Variants in ASB3 observed in about 807,000 individuals in gnomAD.
ASB3 encodes ankyrin repeat and SOCS box containing 3.
In ASB3, 41 loss-of-function variants were observed where a neutral mutation model predicts 54.5. That is an observed-to-expected ratio of 0.75 (90% CI 0.59 to 0.98). ASB3 has a LOEUF of 0.98. ASB3 is among the 50% of genes least tolerant of loss of function. The pLI, the probability that ASB3 is intolerant of heterozygous loss-of-function variation, is 0.00. For synonymous variants in ASB3, 266 were observed against 221.2 expected, an observed-to-expected ratio of 1.20 and a Z score of -1.80; for missense variants, 733 against 620.0, an observed-to-expected ratio of 1.18 and a Z score of -1.94.
chr2:53,674,792 T>C (rs1414295765), intron 9 of ASB3, among the ~76,000 whole-genome samples: 1 of 152,232 alleles, frequency 6.6e-6, no homozygotes, highest in Non-Finnish European at 1.5e-5. Context: ...TTTCTTAATT[T>C]ACTTGTGTTG....
At chr2:53,780,940 T>C (rs1405136690) in intron 1 of ASB3, among the ~76,000 whole-genome samples, 3 of 152,346 alleles carry the variant, frequency 2.0e-5, no homozygotes, top group African/African-American at 7.2e-5. Context: ...TATGCTAGAT[T>C]CTATTCCAAG....
At chr2:53,733,123 G>A (rs996320322) in intron 3 of ASB3, among the ~76,000 whole-genome samples, 3 of 152,182 alleles carry the variant, frequency 2.0e-5, no homozygotes, top group Non-Finnish European at 2.9e-5. Flanking sequence ...TTGAGTACCT[G>A]TGAATTCCAT....
At chr2:53,710,820 A>G (rs1670052502) in intron 7 of ASB3, among the ~76,000 whole-genome samples, 1 of 152,154 alleles carries the variant, frequency 6.6e-6, no homozygotes, top group Non-Finnish European at 1.5e-5. Flanking sequence ...TGATAGTTCA[A>G]ATCTTACTTT....
At chr2:53,773,042 C>G (rs948094401) in intron 1 of ASB3, among the ~76,000 whole-genome samples, 1 of 152,014 alleles carries the variant, frequency 6.6e-6, no homozygotes, top group African/African-American at 2.4e-5. Context: ...TTGGAAAGGA[C>G]TTTAATAAAC....
intron 7 of ASB3, among the ~76,000 whole-genome samples, chr2:53,710,261 G>C (rs1670020800): frequency 6.6e-6 from 1 of 152,212 alleles, no homozygotes; most frequent in South Asian, 2.1e-4. Context: ...TTACTTTCAA[G>C]TTAATTTACT....
intron 2 of ASB3, among the ~76,000 whole-genome samples, chr2:53,761,180 T>C (rs1003946177): frequency 2.6e-5 from 4 of 152,072 alleles, no homozygotes; most frequent in African/African-American, 9.7e-5. Flanking sequence ...GCACCTACCT[T>C]TAAACACCGG....
chr2:53,718,424 AC>A (rs1324816980), intron 5 of ASB3, among the ~76,000 whole-genome samples: 2 of 152,210 alleles, frequency 1.3e-5, no homozygotes, highest in Non-Finnish European at 2.9e-5. Flanking sequence ...ACTAAGCTTC[AC>A]AAACGAAGGA....
At chr2:53,684,044 G>A (rs1318391836) in intron 9 of ASB3, among the ~76,000 whole-genome samples, 1 of 152,070 alleles carries the variant, frequency 6.6e-6, no homozygotes, top group Non-Finnish European at 1.5e-5. Flanking sequence ...GCATCATTAG[G>A]TTATTTGGAG....
intron 1 of ASB3, among the ~76,000 whole-genome samples, chr2:53,782,797 T>A (rs1674723024): frequency 6.6e-6 from 1 of 152,168 alleles, no homozygotes; most frequent in African/African-American, 2.4e-5. Flanking sequence ...AATAATTTTT[T>A]TTTTTTTAGA....
chr2:53,776,855 A>G (rs566719681), intron 1 of ASB3, among the ~76,000 whole-genome samples: 4 of 152,254 alleles, frequency 2.6e-5, no homozygotes, highest in African/African-American at 9.6e-5. Context: ...CACTCTAAGC[A>G]TATATTACAG....
rs781455954 is a variant in ASB3, at chr2:53,750,870, C to T, written c.268G>A (p.Gly90Arg). ...AGAATCTGTACGATTTTCCAATGTC[C>T]TTGACTTGCAGCGAGATGCAAAGCA... ...FCALHLAASQGHWKIVQILLE... is the reference protein window; with the variant it reads ...FCALHLAASQRHWKIVQILLE... Residue 90 changes from glycine (G) to arginine (R), a missense_variant, in exon 3 of 10, where the codon GGA (glycine) becomes AGA (arginine). Coordinates refer to ENST00000263634, the MANE Select transcript of ASB3 (RefSeq NM_016115.5). 9 of 1,602,448 alleles carry T rather than the reference C, an allele frequency of 5.6e-6. No homozygotes were observed. The Admixed American group carries it at 1.0e-4, about 18-fold the overall frequency.
rs1023709374 is a variant in ASB3 at position 53,767,781 on chromosome 2, G to T, written c.-13-2196C>A. 5 of 1,436,328 alleles carry T rather than the reference G, an allele frequency of 3.5e-6. No homozygotes were observed. In the East Asian group the frequency reaches 1.2e-4, roughly 36 times the overall value. The allele number at this position is 1,436,328 out of a possible 1,614,324, so 89.0% of individuals were successfully genotyped here. On this transcript the variant is annotated intron_variant, in intron 1 of 9. Transcript: ENST00000263634. ...GCTTTGCGCCCCAAGTGGCCATCGC[G>T]CCTGCGCCCCGCGCGGCCGGTTACT...
At chr2:53,752,571 T>G (rs1572968550) in intron 2 of ASB3, among the ~76,000 whole-genome samples, 1 of 152,258 alleles carries the variant, frequency 6.6e-6, no homozygotes, top group African/African-American at 2.4e-5. Flanking sequence ...TCTGTGCACG[T>G]GTTAAGGCAC....
At chr2:53,673,320 G>A (rs1667915644) in intron 9 of ASB3, among the ~76,000 whole-genome samples, 1 of 152,316 alleles carries the variant, frequency 6.6e-6, no homozygotes, top group Non-Finnish European at 1.5e-5. Context: ...GAGGAGAGCT[G>A]CTCACATGGA....
chr2:53,781,751 T>C (rs1674662576), intron 1 of ASB3, among the ~76,000 whole-genome samples: 1 of 152,208 alleles, frequency 6.6e-6, no homozygotes, highest in Non-Finnish European at 1.5e-5. Flanking sequence ...TGCCTCAGCC[T>C]CCCAAAGTGC....
chr2:53,740,772 G>T (rs1180282731), intron 3 of ASB3, among the ~76,000 whole-genome samples: 2 of 152,018 alleles, frequency 1.3e-5, no homozygotes, highest in African/African-American at 4.8e-5. Flanking sequence ...TAACAGACAG[G>T]GAGAAGTCTA....
At chr2:53,759,700 A>G (rs1461401488) in intron 2 of ASB3, among the ~76,000 whole-genome samples, 1 of 152,180 alleles carries the variant, frequency 6.6e-6, no homozygotes, top group Non-Finnish European at 1.5e-5. Flanking sequence ...TATGGTTTAC[A>G]AGGACACTTT....
Position 53,722,404 on chromosome 2 carries a change from G to A in ASB3, c.605-5661C>T, listed in dbSNP as rs562602913. Among the ~76,000 whole-genome samples the A allele has an allele frequency of 5.3e-5, 8 of 152,214 alleles. No homozygotes were observed. The East Asian group carries it at 1.3e-3, about 26-fold the overall frequency. On this transcript the variant is annotated intron_variant, in intron 5 of 9. Transcript: ENST00000263634. The stretch of plus-strand genomic sequence containing the variant: ...AAAAGTACAGGCCAATAGTGCTGAC[G>A]AACATAGATACAAAAATTCTCAACA...
chr2:53,750,877 T>G lies in ASB3; in HGVS notation c.261A>C (p.Ala87=), dbSNP rs1672476248. 3.1e-6 allele frequency: 5 copies of G among 1,602,490 alleles called. No individual in the cohort carries two copies. The African/African-American group carries it at 5.4e-5, about 17-fold the overall frequency. ...FEGFCALHLA[A]SQGHWKIVQI... is the part of the protein sequence containing the mutation. Reference sequence around the variant, plus strand: ...GTACGATTTTCCAATGTCCTTGACTTGCAGCGAGATGCAAAGCACAGAAAC... The same window carrying G: ...GTACGATTTTCCAATGTCCTTGACTGGCAGCGAGATGCAAAGCACAGAAAC... The change falls in exon 3 of 10, where the codon GCA becomes GCC. Residue 87 remains alanine, a synonymous_variant. Coordinates refer to ENST00000263634, the MANE Select transcript of ASB3 (RefSeq NM_016115.5).
Sources: allele counts gnomAD v4.1 joint callset (sites outside exome capture counted in the v4.1 genomes callset), GRCh38; gene constraint gnomAD v4.1.1; transcripts MANE v1.5; gene names NCBI Gene and HGNC (gene_info 2026-07-23, HGNC 2026-07-21).